Variants in SLC8A3 observed in about 807,000 individuals in gnomAD.
SLC8A3 encodes the protein sodium/calcium exchanger 3.
Under a neutral mutation model 65.4 loss-of-function variants are expected in SLC8A3, and 37 were observed. The ratio of observed to expected loss-of-function variants is 0.57; its 90% CI spans 0.44 to 0.74. The LOEUF (loss-of-function observed/expected upper bound fraction) is 0.74. Among genes scored for constraint, SLC8A3 ranks in the 30% least tolerant of loss-of-function variants. The probability of loss-of-function intolerance (pLI) is 0.00; values close to 1 mark genes in which losing one functional copy is unlikely to be tolerated. For missense variants in SLC8A3, 1,112 were observed against 1,172.1 expected (o/e 0.95, Z 0.75); for synonymous variants, 461 against 444.5 (o/e 1.04, Z -0.47).
chr14:70,157,107 T>C (rs1848092643), intron 2 of SLC8A3, among the ~76,000 whole-genome samples: 1 of 152,102 alleles, frequency 6.6e-6, no homozygotes, highest in South Asian at 2.1e-4. Flanking sequence ...CTTGATGCAT[T>C]TGGGCTGGGG....
At chr14:70,114,481 AC>A (rs1893527823) in intron 2 of SLC8A3, among the ~76,000 whole-genome samples, 1 of 152,124 alleles carries the variant, frequency 6.6e-6, no homozygotes, top group Non-Finnish European at 1.5e-5. Flanking sequence ...TCTCACATAC[AC>A]CTGCTCTGAT....
At chr14:70,168,617 G>C in intron 1 of SLC8A3, 133 bp from the exon 2 acceptor site, 1 of 570,694 alleles carries the variant, frequency 1.8e-6, no homozygotes, top group Non-Finnish European at 3.1e-6. Flanking sequence ...CTCTCACTTG[G>C]AAAAATAGAT....
chr14:70,119,191 T>TC (rs11444472), intron 2 of SLC8A3, among the ~76,000 whole-genome samples: 144,590 of 151,110 alleles, frequency 0.96, 69,120 homozygotes, highest in Non-Finnish European at 1. Context: ...AGCACTCTTT[T>TC]CCCCCCACCC....
intron 2 of SLC8A3, among the ~76,000 whole-genome samples, chr14:70,140,722 C>T (rs1281727772): frequency 6.6e-6 from 1 of 152,134 alleles, no homozygotes; most frequent in Non-Finnish European, 1.5e-5. Flanking sequence ...ATTCTTTCAC[C>T]CTTTTCCCTG....
intron 2 of SLC8A3, among the ~76,000 whole-genome samples, chr14:70,063,172 A>G (rs1464348153): frequency 3.3e-5 from 5 of 152,230 alleles, no homozygotes; most frequent in Non-Finnish European, 7.3e-5. Flanking sequence ...TAGGAAAAAC[A>G]TAGGAAGACA....
intron 2 of SLC8A3, 49 bp downstream of exon 2, chr14:70,166,590 T>A (rs1191948525): frequency 4.8e-6 from 5 of 1,042,216 alleles, no homozygotes; most frequent in Non-Finnish European, 7.2e-6. Flanking sequence ...CAGAAAGAGA[T>A]GGCAAAAGAT....
At chr14:70,159,961 T>G (rs532425435) in intron 2 of SLC8A3, among the ~76,000 whole-genome samples, 2 of 152,262 alleles carry the variant, frequency 1.3e-5, no homozygotes, top group Admixed American at 1.3e-4. Flanking sequence ...TTCACATCCA[T>G]GGGCTCCACC....
intron 2 of SLC8A3, among the ~76,000 whole-genome samples, chr14:70,149,638 C>T (rs954992026): frequency 6.6e-6 from 1 of 152,150 alleles, no homozygotes; most frequent in East Asian, 1.9e-4. Flanking sequence ...GCCCAAGAGC[C>T]CTCTGCAGCC....
chr14:70,141,782 C>T (rs1362153171), intron 2 of SLC8A3, among the ~76,000 whole-genome samples: 3 of 152,194 alleles, frequency 2.0e-5, no homozygotes, highest in Non-Finnish European at 2.9e-5. Flanking sequence ...AAGCTAAATG[C>T]TATCATTTTA....
At chr14:70,052,569 T>C (rs916292726) in intron 3 of SLC8A3, among the ~76,000 whole-genome samples, 1 of 151,756 alleles carries the variant, frequency 6.6e-6, no homozygotes, top group African/African-American at 2.4e-5. Flanking sequence ...GCATCTTGAC[T>C]CATTTACCAA....
chr14:70,044,490 T>C lies in SLC8A3; in HGVS notation c.*1457A>G, dbSNP rs1886537032. 2 of 151,842 alleles carry C rather than the reference T, an allele frequency of 1.3e-5. No homozygotes were observed. The highest frequency in any genetic ancestry group is 6.6e-5 in the Admixed American group (1 of 15,236). 9.4% of individuals were successfully genotyped at this position (151,842 alleles called of 1,614,324 possible). Reference sequence around the variant, plus strand: ...TATTTGTGTGTTTGTGTGCGTGTTTTAAAGCCAGGTCCTTCCCACATTCGT... The same window carrying C: ...TATTTGTGTGTTTGTGTGCGTGTTTCAAAGCCAGGTCCTTCCCACATTCGT... On this transcript the variant is annotated 3_prime_UTR_variant, in exon 7 of 7. Coordinates refer to ENST00000356921, the MANE Select transcript of SLC8A3 (RefSeq NM_182932.3).
Position 70,046,157 on chromosome 14 carries a change from G to C in SLC8A3, c.2556C>G (p.Ala852=). ...ALQGQEFHVS[A]GTLAFSVTLF... Reference sequence around the variant, plus strand: ...GGGTGACGGAGAAGGCCAGTGTGCCGGCCGACACGTGGAACTCCTGTCCCT... The same window carrying C: ...GGGTGACGGAGAAGGCCAGTGTGCCCGCCGACACGTGGAACTCCTGTCCCT... The change falls in exon 7 of 7, where the codon GCC becomes GCG. Residue 852 remains alanine, a synonymous_variant. Transcript: ENST00000356921. This position sits in a 1 kb window ranked among gnomAD's most constrained non-coding sequence, Gnocchi z 4.2. 1.2e-6 allele frequency: 2 copies of C among 1,614,158 alleles called. No homozygotes were observed. Among genetic ancestry groups the C allele is most frequent in the Middle Eastern group, 1.6e-4 (1 of 6,062 alleles).
intron 2 of SLC8A3, among the ~76,000 whole-genome samples, chr14:70,098,411 C>T (rs184271235): frequency 4.5e-4 from 68 of 152,272 alleles, no homozygotes; most frequent in African/African-American, 1.5e-3. Context: ...GTGATCAAAC[C>T]CAAACTGAGC....
chr14:70,049,670 G>A (rs1184452806), intron 5 of SLC8A3, among the ~76,000 whole-genome samples: 3 of 152,096 alleles, frequency 2.0e-5, no homozygotes, highest in Non-Finnish European at 4.4e-5. Flanking sequence ...GCTGCATTTT[G>A]TTGTCTAAGG....
At chr14:70,142,774 T>C (rs1895662439) in intron 2 of SLC8A3, among the ~76,000 whole-genome samples, 1 of 152,228 alleles carries the variant, frequency 6.6e-6, no homozygotes. Context: ...TTATTTTACT[T>C]CTTTCTTATC....
At chr14:70,072,796 C>T (rs774112215) in intron 2 of SLC8A3, among the ~76,000 whole-genome samples, 21 of 152,064 alleles carry the variant, frequency 1.4e-4, no homozygotes, top group African/African-American at 3.9e-4. Context: ...TACAGGCATG[C>T]GCCACTAAAC....
rs1458374812 is a variant in SLC8A3, at chr14:70,127,671, C to T, written c.1784+38968G>A. 2.0e-5 allele frequency among the ~76,000 whole-genome samples: 3 copies of T among 152,108 alleles called. No homozygotes were observed. In the East Asian group the frequency reaches 5.8e-4, roughly 29 times the overall value. ...TTGTGTGCTCTCCAAACACAATTAA[C>T]AGGATATGGACCACCCTGTTCAACC... On this transcript the variant is annotated intron_variant, in intron 2 of 6. Coordinates refer to ENST00000356921, the MANE Select transcript of SLC8A3 (RefSeq NM_182932.3).
intron 2 of SLC8A3, among the ~76,000 whole-genome samples, chr14:70,158,055 G>A (rs1896681038): frequency 6.6e-6 from 1 of 152,186 alleles, no homozygotes; most frequent in African/African-American, 2.4e-5. Context: ...ATGGCAAAAG[G>A]AATTGAGAAG....
At chr14:70,183,801 C>T (rs4902786) in intron 1 of SLC8A3, among the ~76,000 whole-genome samples, 73,917 of 152,002 alleles carry the variant, frequency 0.49, 18,556 homozygotes, top group Middle Eastern at 0.66. Flanking sequence ...GGACACATAG[C>T]CCTCCTGTGC....
Sources: allele counts gnomAD v4.1 joint callset (sites outside exome capture counted in the v4.1 genomes callset), GRCh38; gene constraint gnomAD v4.1.1; non-coding constraint Gnocchi (gnomAD v3.1); transcripts MANE v1.5; gene names NCBI Gene and HGNC (gene_info 2026-07-23, HGNC 2026-07-21).